The following PRDM16 variants were observed in gnomAD, a reference collection of about 807,000 sequenced individuals.
The protein encoded by PRDM16 is PR/SET domain 16.
A neutral mutation model predicts 110.6 loss-of-function variants in PRDM16; 23 were observed. The ratio of observed to expected loss-of-function variants is 0.21; its 90% CI spans 0.15 to 0.29. PRDM16 has a LOEUF of 0.29. Among genes scored for constraint, PRDM16 ranks in the 10% least tolerant of loss-of-function variants. The pLI is 1.00. For missense variants in PRDM16, 1,615 were observed against 1,794.3 expected, an observed-to-expected ratio of 0.90 and a Z score of 1.81; for synonymous variants, 799 against 781.8, an observed-to-expected ratio of 1.02 and a Z score of -0.37.
intron 5 of PRDM16, among the ~76,000 whole-genome samples, chr1:3,399,757 TG>T (rs374344052): frequency 0.011 from 1,736 of 152,268 alleles, 33 homozygotes; most frequent in African/African-American, 0.038. Context: ...TATGAGTGGG[TG>T]GGGTTGGCAT....
chr1:3,297,950 C>T (rs1007996437), intron 3 of PRDM16, among the ~76,000 whole-genome samples: 12 of 151,786 alleles, frequency 7.9e-5, no homozygotes, highest in Admixed American at 1.3e-4. Flanking sequence ...TGGCAAGCTC[C>T]GCAGGAGCCA....
intron 1 of PRDM16, among the ~76,000 whole-genome samples, chr1:3,076,258 C>T (rs1641897982): frequency 6.6e-6 from 1 of 152,202 alleles, no homozygotes; most frequent in Non-Finnish European, 1.5e-5. Context: ...GTCTTTGCCG[C>T]AGCCCTGGCC....
Position 3,080,700 on chromosome 1 carries a change from T to C in PRDM16, c.37+11404T>C, listed in dbSNP as rs545622258. Reference sequence around the variant, plus strand: ...GCAAACTTGAGCAAAGCCAGCTTGCTCTCCCCCTCGGACCGGGCAACTGCT... The same window carrying C: ...GCAAACTTGAGCAAAGCCAGCTTGCCCTCCCCCTCGGACCGGGCAACTGCT... On this transcript the variant is annotated intron_variant, in intron 1 of 16. Coordinates refer to ENST00000270722, the MANE Select transcript of PRDM16 (RefSeq NM_022114.4). This position sits in a 1 kb window ranked among gnomAD's most constrained non-coding sequence, Gnocchi z 5.2. Among the ~76,000 whole-genome samples the C allele has an allele frequency of 2.0e-5, 3 of 152,218 alleles. No homozygotes were observed. The South Asian group carries it at 6.2e-4, about 32-fold the overall frequency.
chr1:3,160,585 C>T (rs534718686), intron 1 of PRDM16, among the ~76,000 whole-genome samples: 3 of 152,328 alleles, frequency 2.0e-5, no homozygotes, highest in South Asian at 2.1e-4. Flanking sequence ...CTCCTCTTCA[C>T]TGCCCACGAG....
chr1:3,184,819 A>C (rs1644249617), intron 1 of PRDM16, among the ~76,000 whole-genome samples: 1 of 152,002 alleles, frequency 6.6e-6, no homozygotes, highest in Non-Finnish European at 1.5e-5. Flanking sequence ...CCTCTGCATC[A>C]GCTTCCTATG....
intron 3 of PRDM16, among the ~76,000 whole-genome samples, chr1:3,324,737 AC>A (rs915291415): frequency 1.6e-5 from 2 of 125,800 alleles, no homozygotes; most frequent in Non-Finnish European, 1.7e-5. Context: ...TTCCGTCGTC[AC>A]CCCCCCTTGA....
At chr1:3,254,901 A>G (rs568228971) in intron 3 of PRDM16, among the ~76,000 whole-genome samples, 2 of 152,366 alleles carry the variant, frequency 1.3e-5, no homozygotes, top group African/African-American at 4.8e-5. Context: ...ACCTGACTTC[A>G]AACTATACCA....
intron 3 of PRDM16, among the ~76,000 whole-genome samples, chr1:3,292,828 G>T (rs909362214): frequency 4.6e-5 from 7 of 152,208 alleles, no homozygotes; most frequent in African/African-American, 1.7e-4. Flanking sequence ...ATTGCCAAGC[G>T]ATGAAACTCT....
chr1:3,263,391 G>A (rs972861277), intron 3 of PRDM16, among the ~76,000 whole-genome samples: 2 of 152,210 alleles, frequency 1.3e-5, no homozygotes. Flanking sequence ...GGGGCCCCCC[G>A]CAGGCCTGCT....
intron 9 of PRDM16, among the ~76,000 whole-genome samples, chr1:3,413,069 C>T (rs1260610138): frequency 6.6e-6 from 1 of 152,054 alleles, no homozygotes; most frequent in Non-Finnish European, 1.5e-5. Context: ...TTGCTTGCAC[C>T]GATGACCACT....
intron 2 of PRDM16, among the ~76,000 whole-genome samples, chr1:3,226,909 G>C (rs1454303561): frequency 1.3e-5 from 2 of 152,198 alleles, no homozygotes; most frequent in Non-Finnish European, 2.9e-5. Flanking sequence ...GACCAAGACA[G>C]AACAAAGCCT....
intron 2 of PRDM16, among the ~76,000 whole-genome samples, chr1:3,193,807 C>A (rs768512260): frequency 1.3e-5 from 2 of 152,216 alleles, no homozygotes; most frequent in Non-Finnish European, 2.9e-5. Flanking sequence ...TGCCTGAGAC[C>A]TGAGGGCAGA....
In PRDM16 at chr1:3,431,995, T is replaced by C. The variant is rs899803202; in HGVS notation, c.3551T>C (p.Leu1184Ser). ...GCTGAGGACCACGAAGGCGGTCTGT[T>C]AGCTTTGGAGCCGATGCCGACTTTT... is the stretch of plus-strand genomic sequence containing the variant. The part of the protein sequence containing the change: ...RCAEDHEGGL[L>S]ALEPMPTFGK... Residue 1184 changes from leucine (L) to serine (S), a missense_variant, in exon 16 of 17, where the codon TTA becomes TCA. By Grantham distance (145) the Leu-to-Ser change is moderately radical (BLOSUM62 -2). Transcript: ENST00000270722. 6.2e-7 allele frequency: 1 copy of C among 1,613,874 alleles called. No individual in the cohort carries two copies. Among genetic ancestry groups the C allele is most frequent in the African/African-American group, 1.3e-5 (1 of 75,058 alleles).
intron 4 of PRDM16, chr1:3,394,362 G>A: frequency 4.3e-6 from 1 of 235,282 alleles, no homozygotes; most frequent in Non-Finnish European, 7.8e-6. Flanking sequence ...GATCCAGGAG[G>A]GCCGCCCAGC....
intron 1 of PRDM16, among the ~76,000 whole-genome samples, chr1:3,132,177 C>T (rs1047234337): frequency 4.6e-5 from 7 of 152,096 alleles, no homozygotes; most frequent in African/African-American, 1.4e-4. Context: ...GCTGCACAGG[C>T]AAATTTGGAA....
intron 1 of PRDM16, among the ~76,000 whole-genome samples, chr1:3,155,889 C>A (rs894797279): frequency 6.6e-6 from 1 of 152,176 alleles, no homozygotes; most frequent in Admixed American, 6.5e-5. Context: ...CAGAGCTGCT[C>A]GGTGTAATGG....
At chr1:3,312,620 C>T (rs1429926402) in intron 3 of PRDM16, among the ~76,000 whole-genome samples, 8 of 152,198 alleles carry the variant, frequency 5.3e-5, no homozygotes, top group Non-Finnish European at 1.0e-4. Context: ...GAGGGGCTTT[C>T]GGAAAGGGAC....
intron 2 of PRDM16, among the ~76,000 whole-genome samples, chr1:3,212,747 T>C (rs1638927709): frequency 1.4e-5 from 2 of 146,890 alleles, no homozygotes; most frequent in African/African-American, 5.3e-5. Flanking sequence ...GGCCCCATCC[T>C]CTTGGTTCCC....
chr1:3,218,489 TAC>T (rs1296407587), intron 2 of PRDM16, among the ~76,000 whole-genome samples: 1 of 152,188 alleles, frequency 6.6e-6, no homozygotes, highest in African/African-American at 2.4e-5. Flanking sequence ...AAGGCACACA[TAC>T]GCACACGTGC....
Sources: gnomAD v4.1 joint callset for allele counts (sites outside exome capture counted in the v4.1 genomes callset) on GRCh38, gnomAD v4.1.1 for gene constraint, Gnocchi (gnomAD v3.1) non-coding constraint, MANE v1.5 for transcripts, NCBI Gene and HGNC (gene_info 2026-07-23, HGNC 2026-07-21) for gene names.